The following NHS variants were observed in gnomAD, a reference collection of about 807,000 sequenced individuals.
NHS encodes the protein actin remodeling regulator NHS.
In NHS, 5 loss-of-function variants were observed where a neutral mutation model predicts 72.5. The observed-to-expected ratio is 0.07, with a 90% CI of 0.04 to 0.14. NHS has a LOEUF of 0.14. Among genes scored for constraint, NHS ranks in the 10% least tolerant of loss-of-function variants. NHS has a pLI of 1.00. For synonymous variants in NHS, 464 were observed against 547.7 expected (o/e 0.85, Z 2.13); for missense variants, 1,072 against 1,355.7 (o/e 0.79, Z 3.29).
At chrX:17,507,749 G>A (rs1302949989) in intron 1 of NHS, among the ~76,000 whole-genome samples, 2 of 111,695 alleles carry the variant, frequency 1.8e-5, no homozygotes, top group Non-Finnish European at 3.8e-5. Context: ...CATTAGCTGA[G>A]CAAAAGGTGT....
intron 1 of NHS, among the ~76,000 whole-genome samples, chrX:17,425,545 AAAAAAAAAAAAAAAAAAAAAAAAAAAG>A (rs2064651237): frequency 8.0e-5 from 4 of 49,884 alleles, no homozygotes; most frequent in Non-Finnish European, 1.6e-4. Flanking sequence ...AAAAAAAAAA[AAAAAAAAAAAAAAAAAAAAAAAAAAAG>A]AAAGAAAGAA....
At chrX:17,510,546 T>C (rs1208563848) in intron 1 of NHS, among the ~76,000 whole-genome samples, 1 of 112,387 alleles carries the variant, frequency 8.9e-6, no homozygotes, top group Non-Finnish European at 1.9e-5. Flanking sequence ...TACATACCCA[T>C]GCCCAAGGTT....
Position 17,536,564 on chromosome X carries a change from G to T in NHS, c.566-151178G>T, listed in dbSNP as rs188950914. Reference sequence around the variant, plus strand: ...GGTTGCTCCTTCTGAGTCAGAGTCAGATTTGTGATTTATTGATTTATTCCT... The same window carrying T: ...GGTTGCTCCTTCTGAGTCAGAGTCATATTTGTGATTTATTGATTTATTCCT... On this transcript the variant is annotated intron_variant, in intron 1 of 8. Transcript: ENST00000676302. 2.6e-4 allele frequency among the ~76,000 whole-genome samples: 29 copies of T among 112,383 alleles called. No homozygotes were observed. The Admixed American group carries it at 2.6e-3, about 10-fold the overall frequency.
At chrX:17,538,071 A>G (rs1196817755) in intron 1 of NHS, among the ~76,000 whole-genome samples, 1 of 111,747 alleles carries the variant, frequency 8.9e-6, no homozygotes, top group Non-Finnish European at 1.9e-5. Context: ...GGCTAGTGGG[A>G]CTTTGGCTCT....
intron 3 of NHS, among the ~76,000 whole-genome samples, chrX:17,713,754 C>T (rs1398330827): frequency 9.0e-6 from 1 of 111,650 alleles, no homozygotes; most frequent in Admixed American, 9.5e-5. Flanking sequence ...TTCATAGCCA[C>T]GAAAGGGGAG....
In NHS at chrX:17,527,173, A is replaced by G. The variant is rs1432969553; in HGVS notation, c.565+150851A>G. Among the ~76,000 whole-genome samples, 3 of 112,471 alleles carry G rather than the reference A, an allele frequency of 2.7e-5. No individual in the cohort carries two copies. In the South Asian group the frequency reaches 1.1e-3, roughly 41 times the overall value. On this transcript the variant is annotated intron_variant, in intron 1 of 8. Coordinates refer to ENST00000676302, the MANE Select transcript of NHS (RefSeq NM_001291867.2). ...TGCTAAACTGGAGTCTGTAATAAAG[A>G]GGGTACCCAGGTGTGAAGAGTTTTA...
intron 3 of NHS, among the ~76,000 whole-genome samples, chrX:17,702,458 G>A (rs766648028): frequency 1.0e-3 from 116 of 111,662 alleles, no homozygotes; most frequent in Non-Finnish European, 1.6e-3. Flanking sequence ...CAAGGCAGGC[G>A]GATCACTTGA....
intron 1 of NHS, among the ~76,000 whole-genome samples, chrX:17,629,441 G>A (rs1024054492): frequency 5.4e-5 from 6 of 111,931 alleles, no homozygotes; most frequent in African/African-American, 1.9e-4. Context: ...ACTGAGTAGC[G>A]TGGGGCTCTA....
chrX:17,536,334 A>G (rs977411169), intron 1 of NHS, among the ~76,000 whole-genome samples: 1 of 112,473 alleles, frequency 8.9e-6, no homozygotes, highest in Admixed American at 9.4e-5. Context: ...CAGCCTGGGC[A>G]ACAGAGCGAG....
intron 1 of NHS, among the ~76,000 whole-genome samples, chrX:17,670,154 A>G (rs1219055960): frequency 8.9e-6 from 1 of 112,529 alleles, no homozygotes; most frequent in Non-Finnish European, 1.9e-5. Context: ...GAATCTGGGC[A>G]TCTCTGTGTG....
intron 3 of NHS, among the ~76,000 whole-genome samples, chrX:17,715,217 A>C: frequency 9.0e-6 from 1 of 110,771 alleles, no homozygotes; most frequent in Non-Finnish European, 1.9e-5. Flanking sequence ...CCATTATATC[A>C]CTCTGTATGT....
At chrX:17,429,251 TG>T (rs1483039312) in intron 1 of NHS, among the ~76,000 whole-genome samples, 14 of 108,671 alleles carry the variant, frequency 1.3e-4, no homozygotes, top group African/African-American at 4.6e-4. Flanking sequence ...TGTGTGTGTG[TG>T]TGTGTGCACA....
At chrX:17,558,389 A>T (rs1352980159) in intron 1 of NHS, among the ~76,000 whole-genome samples, 2 of 112,363 alleles carry the variant, frequency 1.8e-5, no homozygotes, top group Non-Finnish European at 3.8e-5. Flanking sequence ...TCATATCAAA[A>T]GTGCTTTTAT....
At chrX:17,482,458 G>A (rs2064950013) in intron 1 of NHS, among the ~76,000 whole-genome samples, 1 of 112,435 alleles carries the variant, frequency 8.9e-6, no homozygotes, top group South Asian at 3.7e-4. Context: ...CAGCTCACAG[G>A]TGCAGACACT....
intron 1 of NHS, among the ~76,000 whole-genome samples, chrX:17,490,887 A>G (rs2064988026): frequency 9.0e-6 from 1 of 111,642 alleles, no homozygotes; most frequent in Admixed American, 9.5e-5. Context: ...CTTTGTAGCA[A>G]TGGTGAATGG....
At position 17,453,185 on chromosome X, in the gene NHS, T is replaced by C. The variant is rs767786220; in HGVS notation, c.565+76863T>C. 6.0e-3 allele frequency among the ~76,000 whole-genome samples: 667 copies of C among 110,992 alleles called. 4 individuals are homozygous for C. The highest frequency in any genetic ancestry group is 0.021 in the African/African-American group (626 of 30,518). On this transcript the variant is annotated intron_variant, in intron 1 of 8. Transcript: ENST00000676302. ...CTGTTGACATACAGTCTCATTGATA[T>C]AGGTAGCTCACTGAGTTCCTTTTGA... is the stretch of plus-strand genomic sequence containing the variant.
At chrX:17,583,648 C>T (rs1335808961) in intron 1 of NHS, among the ~76,000 whole-genome samples, 2 of 111,812 alleles carry the variant, frequency 1.8e-5, no homozygotes, top group South Asian at 3.8e-4. Context: ...AAGCAACTCC[C>T]GAAGGAAACG....
At chrX:17,507,179 ACT>A (rs1356974008) in intron 1 of NHS, among the ~76,000 whole-genome samples, 1 of 112,176 alleles carries the variant, frequency 8.9e-6, no homozygotes, top group Non-Finnish European at 1.9e-5. Context: ...AAAAGTTTCT[ACT>A]CTTCCTTTGT....
chrX:17,488,564 G>C (rs1406216446), intron 1 of NHS, among the ~76,000 whole-genome samples: 1 of 111,691 alleles, frequency 9.0e-6, no homozygotes, highest in Non-Finnish European at 1.9e-5. Flanking sequence ...GTGAAATCTG[G>C]ACTCTTCTCG....
Sources: gnomAD v4.1 joint callset for allele counts (sites outside exome capture counted in the v4.1 genomes callset) on GRCh38, gnomAD v4.1.1 for gene constraint, MANE v1.5 for transcripts, NCBI Gene and HGNC (gene_info 2026-07-23, HGNC 2026-07-21) for gene names.